ABCB1: variants seen among roughly 807,000 people sequenced by gnomAD.
The protein encoded by ABCB1 is ATP-dependent translocase ABCB1.
Under a neutral mutation model 142.0 loss-of-function variants are expected in ABCB1, and 69 were observed. The ratio of observed to expected loss-of-function variants is 0.49; its 90% CI spans 0.40 to 0.59. ABCB1 has a LOEUF of 0.59. Among genes scored for constraint, ABCB1 ranks in the 20% least tolerant of loss-of-function variants. ABCB1 has a pLI of 0.00. For synonymous variants in ABCB1, 532 were observed against 539.2 expected, an observed-to-expected ratio of 0.99 and a Z score of 0.18; for missense variants, 1,326 against 1,554.7, an observed-to-expected ratio of 0.85 and a Z score of 2.47.
intron 1 of ABCB1, among the ~76,000 whole-genome samples, chr7:87,683,076 CA>C (rs1827089077): frequency 1.3e-5 from 2 of 152,128 alleles, no homozygotes; most frequent in South Asian, 4.1e-4. Context: ...TTTTTATGTA[CA>C]GAGATGGCTT....
intron 3 of ABCB1, among the ~76,000 whole-genome samples, chr7:87,592,306 T>C (rs529053617): frequency 2.0e-3 from 311 of 152,308 alleles, no homozygotes; most frequent in African/African-American, 6.9e-3. Context: ...GTATGAATGA[T>C]TAGTCTTAAG....
chr7:87,610,606 G>A (rs1416639219), intron 1 of ABCB1, among the ~76,000 whole-genome samples: 4 of 151,826 alleles, frequency 2.6e-5, no homozygotes, highest in African/African-American at 9.7e-5. Flanking sequence ...CATGCAGGCT[G>A]GGTTTATCCT....
intron 3 of ABCB1, among the ~76,000 whole-genome samples, chr7:87,593,169 T>C (rs766539573): frequency 1.3e-5 from 2 of 152,166 alleles, no homozygotes; most frequent in African/African-American, 2.4e-5. Context: ...TCTAGTGATC[T>C]GCCCACCTTA....
At chr7:87,533,352 G>A (rs1373798871) in intron 20 of ABCB1, among the ~76,000 whole-genome samples, 3 of 152,102 alleles carry the variant, frequency 2.0e-5, no homozygotes, top group Non-Finnish European at 2.9e-5. Flanking sequence ...CTAGGTGTGA[G>A]TTCATGGCAG....
At chr7:87,573,369 A>G (rs1376451053) in intron 4 of ABCB1, among the ~76,000 whole-genome samples, 1 of 152,108 alleles carries the variant, frequency 6.6e-6, no homozygotes, top group Non-Finnish European at 1.5e-5. Flanking sequence ...CTACACACTG[A>G]TGTTTCCCAG....
At chr7:87,588,683 T>G (rs1273741772) in intron 3 of ABCB1, among the ~76,000 whole-genome samples, 1 of 152,222 alleles carries the variant, frequency 6.6e-6, no homozygotes, top group Non-Finnish European at 1.5e-5. Context: ...TTATATTCCT[T>G]TGGGTATACA....
At chr7:87,631,606 G>T (rs1821231431) in intron 1 of ABCB1, among the ~76,000 whole-genome samples, 1 of 152,154 alleles carries the variant, frequency 6.6e-6, no homozygotes, top group African/African-American at 2.4e-5. Context: ...TATTAGCCAG[G>T]ATGGTCTCGA....
rs1455270178 is a variant in ABCB1, at chr7:87,519,204, C to T, written c.2927+122G>A. On this transcript the variant is annotated intron_variant, in intron 23 of 27. Transcript: ENST00000622132. ...CATGAAGACTCAGAGGCAGAAATGC[C>T]GATTTAGGAATCACCAGAATCTCTT... 8 of 979,052 alleles carry T rather than the reference C, an allele frequency of 8.2e-6. No homozygotes were observed. In the East Asian group the frequency reaches 1.0e-4, roughly 13 times the overall value. The allele number at this position is 979,052 out of a possible 1,614,324, so 60.6% of individuals were successfully genotyped here.
At chr7:87,697,127 T>C (rs975803343) in intron 1 of ABCB1, among the ~76,000 whole-genome samples, 1 of 152,200 alleles carries the variant, frequency 6.6e-6, no homozygotes, top group African/African-American at 2.4e-5. Flanking sequence ...TCCTGGACCC[T>C]TGTACATTTC....
At chr7:87,676,316 CAT>C (rs776175364) in intron 1 of ABCB1, among the ~76,000 whole-genome samples, 3 of 152,144 alleles carry the variant, frequency 2.0e-5, no homozygotes, top group South Asian at 2.1e-4. Context: ...TGAGAGATAA[CAT>C]GTGTAAACCA....
At chr7:87,705,299 G>A (rs940539820) in intron 1 of ABCB1, among the ~76,000 whole-genome samples, 4 of 152,152 alleles carry the variant, frequency 2.6e-5, no homozygotes, top group African/African-American at 9.7e-5. Flanking sequence ...GGTAGCGCAT[G>A]CCTGTAATCC....
At chr7:87,691,143 C>T (rs903069013) in intron 1 of ABCB1, among the ~76,000 whole-genome samples, 1 of 152,010 alleles carries the variant, frequency 6.6e-6, no homozygotes, top group Non-Finnish European at 1.5e-5. Context: ...CATATTCAGT[C>T]TTATCAAGGA....
At chr7:87,532,984 A>C (rs1816125940) in intron 20 of ABCB1, among the ~76,000 whole-genome samples, 1 of 152,190 alleles carries the variant, frequency 6.6e-6, no homozygotes, top group Non-Finnish European at 1.5e-5. Flanking sequence ...AACTATCAGT[A>C]GCCTTTAAAT....
intron 1 of ABCB1, chr7:87,693,768 T>G: frequency 1.5e-6 from 1 of 679,942 alleles, no homozygotes; most frequent in East Asian, 2.8e-5. Flanking sequence ...AGAGTTCATT[T>G]ATTTAGTAGG....
At chr7:87,631,614 C>T (rs572517295) in intron 1 of ABCB1, among the ~76,000 whole-genome samples, 131 of 152,274 alleles carry the variant, frequency 8.6e-4, no homozygotes, top group African/African-American at 3.1e-3. Context: ...AGGATGGTCT[C>T]GATCTGCTGA....
At chr7:87,627,852 C>G (rs535451712) in intron 1 of ABCB1, 1 of 152,360 alleles carries the variant, frequency 6.6e-6, no homozygotes, top group South Asian at 2.1e-4. Context: ...GCGCTGGAGG[C>G]TGAGGTGGGA....
chr7:87,516,018 C>G (rs1451746132), intron 24 of ABCB1, among the ~76,000 whole-genome samples: 1 of 152,150 alleles, frequency 6.6e-6, no homozygotes, highest in Non-Finnish European at 1.5e-5. Context: ...CTCAGGAATA[C>G]AGTAACTTAC....
intron 5 of ABCB1, among the ~76,000 whole-genome samples, chr7:87,568,241 AC>A (rs1434929637): frequency 7.9e-6 from 1 of 126,272 alleles, no homozygotes; most frequent in African/African-American, 3.4e-5. Flanking sequence ...TAAAAATACG[AC>A]AATAATAATA....
At chr7:87,551,850 T>A (rs1817086558) in intron 9 of ABCB1, among the ~76,000 whole-genome samples, 1 of 152,202 alleles carries the variant, frequency 6.6e-6, no homozygotes, top group South Asian at 2.1e-4. Context: ...GTTTTTTTTT[T>A]ATTTAGATCA....
Sources: allele counts gnomAD v4.1 joint callset (sites outside exome capture counted in the v4.1 genomes callset), GRCh38; gene constraint gnomAD v4.1.1; transcripts MANE v1.5; gene names NCBI Gene and HGNC (gene_info 2026-07-23, HGNC 2026-07-21).